PTPRO: variants seen among roughly 807,000 people sequenced by gnomAD.
The protein encoded by PTPRO is receptor-type tyrosine-protein phosphatase O.
A neutral mutation model predicts 145.2 loss-of-function variants in PTPRO; 62 were observed. The ratio of observed to expected loss-of-function variants is 0.43; its 90% CI spans 0.35 to 0.53. The LOEUF (loss-of-function observed/expected upper bound fraction) is 0.53, where lower values mean the gene tolerates loss of function less well. PTPRO is among the 20% of genes least tolerant of loss of function. PTPRO has a pLI of 0.01. For missense variants in PTPRO, 1,345 were observed against 1,482.7 expected, an observed-to-expected ratio of 0.91 and a Z score of 1.53; for synonymous variants, 565 against 514.7, an observed-to-expected ratio of 1.10 and a Z score of -1.32.
chr12:15,586,359 A>G (rs1295588473), intron 23 of PTPRO, among the ~76,000 whole-genome samples: 1 of 152,172 alleles, frequency 6.6e-6, no homozygotes, highest in Non-Finnish European at 1.5e-5. Context: ...TCTCACTCTG[A>G]AAAAGGCTGG....
At chr12:15,454,250 C>T (rs1430558412) in intron 1 of PTPRO, among the ~76,000 whole-genome samples, 2 of 152,156 alleles carry the variant, frequency 1.3e-5, no homozygotes, top group Non-Finnish European at 2.9e-5. Context: ...TCTTTTGTGC[C>T]ATCCCAACAG....
chr12:15,512,976 A>G (rs1389209380), intron 7 of PTPRO, among the ~76,000 whole-genome samples: 1 of 151,706 alleles, frequency 6.6e-6, no homozygotes, highest in Non-Finnish European at 1.5e-5. Flanking sequence ...GTTGGGCAAC[A>G]CAGTGACAGA....
intron 1 of PTPRO, among the ~76,000 whole-genome samples, chr12:15,469,011 A>T (rs1353133866): frequency 6.6e-6 from 1 of 152,258 alleles, no homozygotes; most frequent in Non-Finnish European, 1.5e-5. Flanking sequence ...ACAAAAGGTC[A>T]CAATATACTG....
chr12:15,384,962 T>C (rs1938976701), intron 1 of PTPRO, among the ~76,000 whole-genome samples: 2 of 152,190 alleles, frequency 1.3e-5, no homozygotes, highest in African/African-American at 4.8e-5. Flanking sequence ...TAGTTAGTGA[T>C]GCTTTTCAAA....
chr12:15,431,505 T>C (rs1352183264), intron 1 of PTPRO, among the ~76,000 whole-genome samples: 1 of 152,216 alleles, frequency 6.6e-6, no homozygotes, highest in Non-Finnish European at 1.5e-5. Context: ...TAAAACATTT[T>C]AGTAGGTGTG....
At chr12:15,549,866 A>G (rs771856348) in intron 14 of PTPRO, among the ~76,000 whole-genome samples, 1 of 152,162 alleles carries the variant, frequency 6.6e-6, no homozygotes, top group Non-Finnish European at 1.5e-5. Context: ...TATTAGTCAT[A>G]TATTTAGCTG....
At chr12:15,368,032 C>T (rs1938415462) in intron 1 of PTPRO, among the ~76,000 whole-genome samples, 1 of 152,214 alleles carries the variant, frequency 6.6e-6, no homozygotes. Context: ...ATCATCTAAA[C>T]ATTTCTCAAT....
intron 1 of PTPRO, among the ~76,000 whole-genome samples, chr12:15,444,491 A>T: frequency 6.6e-6 from 1 of 152,116 alleles, no homozygotes; most frequent in Non-Finnish European, 1.5e-5. Context: ...AAAACTAAAA[A>T]TTGAAAAAGA....
intron 1 of PTPRO, among the ~76,000 whole-genome samples, chr12:15,351,843 T>C (rs1591729812): frequency 6.6e-6 from 1 of 152,318 alleles, no homozygotes; most frequent in East Asian, 1.9e-4. Context: ...AAAATGTATT[T>C]TTTTATTGCG....
At chr12:15,512,884 C>T (rs1380014361) in intron 7 of PTPRO, among the ~76,000 whole-genome samples, 2 of 151,954 alleles carry the variant, frequency 1.3e-5, no homozygotes, top group Non-Finnish European at 2.9e-5. Context: ...ATTCCAGCTA[C>T]TTGGGTAGCT....
chr12:15,516,196 T>C (rs1046325616), intron 8 of PTPRO, among the ~76,000 whole-genome samples: 4 of 150,788 alleles, frequency 2.7e-5, no homozygotes, highest in South Asian at 2.1e-4. Context: ...TTCACCGTGT[T>C]AGCCAGGATG....
intron 19 of PTPRO, among the ~76,000 whole-genome samples, chr12:15,571,369 C>G (rs1022923806): frequency 1.3e-5 from 2 of 152,142 alleles, no homozygotes; most frequent in African/African-American, 4.8e-5. Context: ...CTCACTGCAA[C>G]CTCCGCCTCC....
chr12:15,520,479 T>C (rs1036204350), intron 10 of PTPRO, among the ~76,000 whole-genome samples, 167 bp downstream of exon 10: 1 of 152,222 alleles, frequency 6.6e-6, no homozygotes, highest in Non-Finnish European at 1.5e-5. Flanking sequence ...GTTTAGTTGA[T>C]AATCTTTAGA....
At chr12:15,331,254 A>T (rs1866599971) in intron 1 of PTPRO, among the ~76,000 whole-genome samples, 1 of 152,174 alleles carries the variant, frequency 6.6e-6, no homozygotes, top group Non-Finnish European at 1.5e-5. Flanking sequence ...GAGAGGCCCT[A>T]TAAGCTAAGG....
At chr12:15,485,603 A>G (rs1941869701) in intron 2 of PTPRO, among the ~76,000 whole-genome samples, 1 of 152,152 alleles carries the variant, frequency 6.6e-6, no homozygotes, top group Non-Finnish European at 1.5e-5. Context: ...AGGCACAAAG[A>G]AAAATAGATT....
intron 1 of PTPRO, among the ~76,000 whole-genome samples, chr12:15,369,298 G>A (rs1268822402): frequency 6.6e-6 from 1 of 152,160 alleles, no homozygotes; most frequent in Non-Finnish European, 1.5e-5. Context: ...GGTGAAGCAG[G>A]AAAGGAAAGC....
intron 1 of PTPRO, among the ~76,000 whole-genome samples, chr12:15,403,151 C>T (rs754338135): frequency 1.1e-4 from 17 of 152,126 alleles, no homozygotes; most frequent in African/African-American, 1.9e-4. Flanking sequence ...CCCTGAATGG[C>T]GTGGTCTCTT....
rs73057244 is a variant in PTPRO at position 15,352,669 on chromosome 12, G to A, written c.75+29868G>A. Among the ~76,000 whole-genome samples, 139 of 81,860 alleles carry A rather than the reference G, an allele frequency of 1.7e-3. 1 individual carries two copies. Among genetic ancestry groups the A allele is most frequent in the African/African-American group, 3.7e-3 (108 of 29,206 alleles). 53.7% of individuals were successfully genotyped at this position (81,860 alleles called of 152,430 possible). A position where few individuals can be genotyped will look rare whatever the true frequency, so the allele number is the denominator to read the frequency against. On this transcript the variant is annotated intron_variant, in intron 1 of 26. Transcript: ENST00000281171. ...TGTCTCAAAAAAAAAAAAAAAAAAA[G>A]AAAGAAAGAAAGAAATGGGAAAGTT...
At chr12:15,416,520 C>T (rs1286144647) in intron 1 of PTPRO, among the ~76,000 whole-genome samples, 1 of 151,222 alleles carries the variant, frequency 6.6e-6, no homozygotes, top group East Asian at 1.9e-4. Flanking sequence ...GGGGTTTCAC[C>T]ATGTTAGCCA....
Sources: allele counts gnomAD v4.1 joint callset (sites outside exome capture counted in the v4.1 genomes callset), GRCh38; gene constraint gnomAD v4.1.1; transcripts MANE v1.5; gene names NCBI Gene and HGNC (gene_info 2026-07-23, HGNC 2026-07-21).